The following TRAP1 variants were observed in gnomAD, a reference collection of about 807,000 sequenced individuals.
TRAP1 encodes TNF receptor associated protein 1.
In TRAP1, 102 loss-of-function variants were observed where a neutral mutation model predicts 89.1. That is an observed-to-expected ratio of 1.15 (90% CI 0.98 to 1.35). The LOEUF (loss-of-function observed/expected upper bound fraction) is 1.35, where lower values mean the gene tolerates loss of function less well. TRAP1 is among the 40% of genes most tolerant of loss of function. The pLI is 0.00. For synonymous variants in TRAP1, 508 were observed against 388.0 expected (o/e 1.31, Z -3.64); for missense variants, 1,256 against 945.3 (o/e 1.33, Z -4.31).
At position 3,672,728 on chromosome 16, in the gene TRAP1, G is replaced by C. The variant is rs1484836670; in HGVS notation, c.1137C>G (p.Ile379Met). The C allele has an allele frequency of 3.1e-6, 5 of 1,610,188 alleles. No individual in the cohort carries two copies. Among genetic ancestry groups the C allele is most frequent in the Non-Finnish European group, 4.2e-6 (5 of 1,178,548 alleles). The change falls in exon 10 of 18, where the codon ATC (isoleucine) becomes ATG (methionine). Residue 379 changes from isoleucine (I) to methionine (M), a missense_variant. Physicochemically the swap from Ile to Met is conservative, Grantham distance 10. Coordinates refer to ENST00000246957, the MANE Select transcript of TRAP1 (RefSeq NM_016292.3). ...KVLIQTKATD[I>M]LPKWLRFIRG... is the part of the protein sequence containing the mutation. ...GGATGAAGCGCAGCCACTTGGGCAGGATGTCCGTGGCCTTGGTCTGGATGA... is the reference window on the plus strand; with the variant it reads ...GGATGAAGCGCAGCCACTTGGGCAGCATGTCCGTGGCCTTGGTCTGGATGA...
chr16:3,681,858 C>A (rs993181036), intron 4 of TRAP1, among the ~76,000 whole-genome samples: 1 of 151,960 alleles, frequency 6.6e-6, no homozygotes, highest in South Asian at 2.1e-4. Context: ...AATGACAAGC[C>A]GATTCTAAAA....
chr16:3,659,832 C>T (rs550427018), intron 16 of TRAP1: 6 of 152,126 alleles, frequency 3.9e-5, no homozygotes, highest in South Asian at 4.2e-4. Flanking sequence ...CTTGGCTCAC[C>T]GCAGCCTCCT....
Position 3,675,375 on chromosome 16 carries a change from G to A in TRAP1, c.837C>T (p.Asn279=). ...TCAAGTACAAGGGGAAGCTGACGAA[G>A]TTGCTGTACTTCGTTACCACATCTG... is the stretch of plus-strand genomic sequence containing the variant. The part of the protein sequence containing the change: ...RVRDVVTKYS[N]FVSFPLYLNG... Residue 279 remains asparagine, a synonymous_variant, in exon 8 of 18, where the codon AAC becomes AAT. Transcript: ENST00000246957. 2 of 1,614,120 alleles carry A rather than the reference G, an allele frequency of 1.2e-6. No individual in the cohort carries two copies. Among genetic ancestry groups the A allele is most frequent in the Non-Finnish European group, 1.7e-6 (2 of 1,179,974 alleles).
chr16:3,661,937 A>T (rs1162682564), intron 16 of TRAP1, 50 bp downstream of exon 16: 1 of 1,536,380 alleles, frequency 6.5e-7, no homozygotes, highest in Admixed American at 2.0e-5. Flanking sequence ...CACCACACAC[A>T]GGATTCTGGG....
intron 1 of TRAP1, among the ~76,000 whole-genome samples, chr16:3,711,938 C>A (rs2051536902): frequency 6.6e-6 from 1 of 152,122 alleles, no homozygotes; most frequent in African/African-American, 2.4e-5. Context: ...TGGCTTTGAA[C>A]CCAAAAGCAC....
chr16:3,658,208 G>GCAAT lies in TRAP1; in HGVS notation c.2032_2035dup (p.Ala679AspfsTer7). ...CCTAGGGTCGTCAACAAGTCCAGCA[G>GCAAT]CAATCATGGCGTTCTCGTATATCTG... On this transcript the variant is annotated frameshift_variant, in exon 18 of 18. Coordinates refer to ENST00000246957, the MANE Select transcript of TRAP1 (RefSeq NM_016292.3). LOFTEE classifies it high-confidence loss of function. The GCAAT allele has an allele frequency of 5.6e-6, 9 of 1,613,898 alleles. No individual in the cohort carries two copies. The highest frequency in any genetic ancestry group is 7.6e-6 in the Non-Finnish European group (9 of 1,179,962).
At chr16:3,670,407 A>AAAAAAAAAAAAAAAAAAAC (rs2050897279) in intron 11 of TRAP1, among the ~76,000 whole-genome samples, 1 of 148,850 alleles carries the variant, frequency 6.7e-6, no homozygotes, top group Non-Finnish European at 1.5e-5. Flanking sequence ...AAAAAAAAAA[A>AAAAAAAAAAAAAAAAAAAC]AAAATCTAAG....
intron 1 of TRAP1, among the ~76,000 whole-genome samples, chr16:3,695,370 C>CA (rs2051272299): frequency 6.6e-6 from 1 of 151,660 alleles, no homozygotes; most frequent in African/African-American, 2.4e-5. Flanking sequence ...TTCTCATACT[C>CA]AAAAAACAAA....
intron 11 of TRAP1, among the ~76,000 whole-genome samples, chr16:3,668,901 G>C (rs2050873430): frequency 6.6e-6 from 1 of 152,330 alleles, no homozygotes; most frequent in African/African-American, 2.4e-5. Context: ...TTCAGGATGG[G>C]GAGAGGAACG....
chr16:3,674,760 G>A, intron 8 of TRAP1: 1 of 525,360 alleles, frequency 1.9e-6, no homozygotes. Context: ...TGTGGGAGAG[G>A]ATGACGCTGC....
intron 5 of TRAP1, among the ~76,000 whole-genome samples, chr16:3,679,094 A>G (rs2051039968): frequency 6.6e-6 from 1 of 152,070 alleles, no homozygotes; most frequent in African/African-American, 2.4e-5. Context: ...GCTGGAGGAT[A>G]GCCCGGCCAA....
At chr16:3,692,968 T>C (rs1445995745) in intron 1 of TRAP1, among the ~76,000 whole-genome samples, 1 of 151,030 alleles carries the variant, frequency 6.6e-6, no homozygotes, top group Non-Finnish European at 1.5e-5. Context: ...TTGTTTTTGT[T>C]TTTTTTTGAG....
intron 1 of TRAP1, among the ~76,000 whole-genome samples, chr16:3,714,927 T>C (rs985165972): frequency 9.2e-5 from 14 of 152,338 alleles, no homozygotes; most frequent in African/African-American, 3.4e-4. Flanking sequence ...TTCTCCCCTG[T>C]TGCACAAGAC....
chr16:3,707,298 G>A (rs1205381629), intron 1 of TRAP1, among the ~76,000 whole-genome samples: 1 of 147,252 alleles, frequency 6.8e-6, no homozygotes. Flanking sequence ...CCATTCTCCT[G>A]CCTCAGCCTC....
chr16:3,687,867 A>AC (rs2051157956), intron 3 of TRAP1, among the ~76,000 whole-genome samples: 1 of 150,964 alleles, frequency 6.6e-6, no homozygotes, highest in African/African-American at 2.4e-5. Flanking sequence ...AAAAACCAAA[A>AC]AAAAAAAAAA....
chr16:3,683,214 G>A (rs1021054027), intron 4 of TRAP1, among the ~76,000 whole-genome samples: 3 of 151,882 alleles, frequency 2.0e-5, no homozygotes, highest in Non-Finnish European at 4.4e-5. Context: ...GAAAGTCTGA[G>A]AAACTGTCAC....
chr16:3,677,757 T>C lies in TRAP1; in HGVS notation c.544-99A>G, dbSNP rs2051019300. 5.8e-6 allele frequency: 8 copies of C among 1,386,120 alleles called. No individual in the cohort carries two copies. In the South Asian group the frequency reaches 8.4e-5, roughly 15 times the overall value. The allele number at this position is 1,386,120 out of a possible 1,614,324, so 85.9% of individuals were successfully genotyped here. On this transcript the variant is annotated intron_variant, in intron 5 of 17. Coordinates refer to ENST00000246957, the MANE Select transcript of TRAP1 (RefSeq NM_016292.3). Reference sequence around the variant, plus strand: ...TGCGAGCACCGCTAAGACCCCTTCATCCTGAAAACAGCCACACCGAGTACT... The same window carrying C: ...TGCGAGCACCGCTAAGACCCCTTCACCCTGAAAACAGCCACACCGAGTACT...
Position 3,663,085 on chromosome 16 carries a change from G to A in TRAP1, c.1709-118C>T, listed in dbSNP as rs553112260. The A allele has an allele frequency of 3.8e-6, 3 of 784,836 alleles. No homozygotes were observed. In the South Asian group the frequency reaches 5.4e-5, roughly 14 times the overall value. The allele number at this position is 784,836 out of a possible 1,614,324, so 48.6% of individuals were successfully genotyped here. ...CTCTCCCACCAGGATGGAGACACAA[G>A]CTAGCAAGATGCTTTTCATCTAAAA... On this transcript the variant is annotated intron_variant, in intron 14 of 17. Transcript: ENST00000246957.
intron 4 of TRAP1, among the ~76,000 whole-genome samples, chr16:3,684,500 G>A (rs1477435284): frequency 1.3e-5 from 2 of 152,116 alleles, no homozygotes; most frequent in East Asian, 1.9e-4. Flanking sequence ...TTAATTAATT[G>A]TAATAAATGG....
Sources: gnomAD v4.1 joint callset for allele counts (sites outside exome capture counted in the v4.1 genomes callset) on GRCh38, gnomAD v4.1.1 for gene constraint, MANE v1.5 for transcripts, NCBI Gene and HGNC (gene_info 2026-07-23, HGNC 2026-07-21) for gene names.